The following MACO1 variants were observed in gnomAD, a reference collection of about 807,000 sequenced individuals.
MACO1 encodes the protein macoilin 1.
In MACO1, 14 loss-of-function variants were observed where a neutral mutation model predicts 78.7. That is an observed-to-expected ratio of 0.18 (90% CI 0.12 to 0.28). The LOEUF (loss-of-function observed/expected upper bound fraction) is 0.28, where lower values mean the gene tolerates loss of function less well. Ranked by LOEUF, MACO1 falls within the 10% of genes least tolerant of loss-of-function variation. The pLI is 1.00. For synonymous variants in MACO1, 288 were observed against 291.6 expected, an observed-to-expected ratio of 0.99 and a Z score of 0.12; for missense variants, 501 against 799.0, an observed-to-expected ratio of 0.63 and a Z score of 4.50.
At chr1:25,435,836 T>C (rs2042914860) in intron 1 of MACO1, among the ~76,000 whole-genome samples, 1 of 152,234 alleles carries the variant, frequency 6.6e-6, no homozygotes, top group Non-Finnish European at 1.5e-5. Context: ...GCTAAACTCT[T>C]CTATTTGTGG....
intron 10 of MACO1, among the ~76,000 whole-genome samples, chr1:25,494,671 G>A (rs868263504): frequency 2.6e-5 from 4 of 152,180 alleles, no homozygotes; most frequent in African/African-American, 9.7e-5. Flanking sequence ...GATAAGTATG[G>A]GGAGGGCGGA....
At chr1:25,444,874 C>T (rs1482608814) in intron 1 of MACO1, among the ~76,000 whole-genome samples, 2 of 151,996 alleles carry the variant, frequency 1.3e-5, no homozygotes, top group African/African-American at 2.4e-5. Context: ...GCCTGGCCCT[C>T]GTTTGTTCTT....
intron 1 of MACO1, among the ~76,000 whole-genome samples, chr1:25,443,700 A>G (rs1485888393): frequency 1.3e-5 from 2 of 152,240 alleles, no homozygotes; most frequent in Non-Finnish European, 2.9e-5. Flanking sequence ...GGATAATCCT[A>G]TCTAAATAGT....
At chr1:25,461,216 TGGGGGGA>T (rs1207474087) in intron 6 of MACO1, among the ~76,000 whole-genome samples, 1 of 37,408 alleles carries the variant, frequency 2.7e-5, no homozygotes, top group Non-Finnish European at 4.8e-5. Flanking sequence ...TGTTGTGGGG[TGGGGGGA>T]GGGGGGAGGG....
rs1191491625 is a variant in MACO1, at chr1:25,485,392, G to A, written c.1314-221G>A. On this transcript the variant is annotated intron_variant, in intron 7 of 10. Transcript: ENST00000374343. The surrounding 1 kb of genome is among the most constrained non-coding windows in gnomAD (Gnocchi z 4.3). ...ACTTACTTGAACAGAGCAGAGGCTA[G>A]GTCTTAATCTCTGTTTTGTAAGGCA... 6.6e-6 allele frequency among the ~76,000 whole-genome samples: 1 copy of A among 152,108 alleles called. No individual in the cohort carries two copies. Among genetic ancestry groups the A allele is most frequent in the East Asian group, 1.9e-4 (1 of 5,194 alleles).
chr1:25,463,906 C>CTGT (rs1212371920), intron 6 of MACO1, among the ~76,000 whole-genome samples: 1 of 152,142 alleles, frequency 6.6e-6, no homozygotes, highest in African/African-American at 2.4e-5. Context: ...ACAGATTTCT[C>CTGT]ATATACCTGC....
chr1:25,469,633 C>CT (rs1222159978), intron 6 of MACO1, among the ~76,000 whole-genome samples: 8,320 of 127,416 alleles, frequency 0.065, 1,180 homozygotes, highest in African/African-American at 0.22. Context: ...TAACCTCTGA[C>CT]TTTTTTTTTT....
chr1:25,498,178 C>A, intron 10 of MACO1, 86 bp from the exon 11 acceptor site: 2 of 1,399,238 alleles, frequency 1.4e-6, no homozygotes, highest in South Asian at 1.3e-5. Flanking sequence ...TCACACTGAA[C>A]CGAATCTACT....
intron 8 of MACO1, among the ~76,000 whole-genome samples, chr1:25,487,846 G>C (rs1285093011): frequency 6.6e-6 from 1 of 152,092 alleles, no homozygotes; most frequent in East Asian, 1.9e-4. Context: ...TTGCTGGATT[G>C]GGAAGCCAGA....
chr1:25,453,386 G>C (rs187559126), intron 3 of MACO1, among the ~76,000 whole-genome samples: 1 of 150,524 alleles, frequency 6.6e-6, no homozygotes, highest in Non-Finnish European at 1.5e-5. Context: ...TTTCTGGGCC[G>C]GGCACGGTGG....
chr1:25,479,802 G>A (rs1249053482), intron 6 of MACO1, among the ~76,000 whole-genome samples: 3 of 152,060 alleles, frequency 2.0e-5, no homozygotes, highest in African/African-American at 7.3e-5. Flanking sequence ...TGTATAGTAC[G>A]TCCATACAAT....
chr1:25,436,348 T>C (rs1477282001), intron 1 of MACO1, among the ~76,000 whole-genome samples: 1 of 152,178 alleles, frequency 6.6e-6, no homozygotes, highest in African/African-American at 2.4e-5. Context: ...TAGGCTACCA[T>C]CTTGTGGAGT....
At chr1:25,486,705 A>T (rs961659006) in intron 8 of MACO1, among the ~76,000 whole-genome samples, 2 of 152,194 alleles carry the variant, frequency 1.3e-5, no homozygotes, top group Non-Finnish European at 2.9e-5. Flanking sequence ...TTTGCAGAAT[A>T]ATTGGTGAAT....
chr1:25,441,507 A>T (rs1053624209), intron 1 of MACO1, among the ~76,000 whole-genome samples: 3 of 152,248 alleles, frequency 2.0e-5, no homozygotes, highest in African/African-American at 7.2e-5. Flanking sequence ...TTTTGAGAAA[A>T]AAAATAGTTA....
At chr1:25,496,158 CT>C (rs1216344822) in intron 10 of MACO1, among the ~76,000 whole-genome samples, 50 of 127,434 alleles carry the variant, frequency 3.9e-4, no homozygotes, top group Admixed American at 3.1e-4. Flanking sequence ...TTTTCTTTTT[CT>C]TTTTTTTTTT....
At position 25,456,749 on chromosome 1, in the gene MACO1, C is replaced by T. The variant is rs774408245; in HGVS notation, c.570C>T (p.Asn190=). Reference sequence around the variant, plus strand: ...AGCAAAAAGAAGTACAAAAAGAGAACGAGTTTTACATGCAACTTCTTCAAC... The same window carrying T: ...AGCAAAAAGAAGTACAAAAAGAGAATGAGTTTTACATGCAACTTCTTCAAC... ...LRKQKEVQKE[N]EFYMQLLQQA... Residue 190 remains asparagine (N), a synonymous_variant, in exon 5 of 11, where the codon AAC becomes AAT. Coordinates refer to ENST00000374343, the MANE Select transcript of MACO1 (RefSeq NM_018202.6). 2.2e-5 allele frequency: 35 copies of T among 1,613,820 alleles called. No homozygotes were observed. Among genetic ancestry groups the T allele is most frequent in the East Asian group, 8.9e-5 (4 of 44,866 alleles).
chr1:25,465,377 G>A (rs1034298038), intron 6 of MACO1, among the ~76,000 whole-genome samples: 6 of 152,162 alleles, frequency 3.9e-5, no homozygotes, highest in Non-Finnish European at 7.4e-5. Context: ...CTGCCACAAT[G>A]TCTTTGACAG....
At chr1:25,442,081 A>T (rs1221376674) in intron 1 of MACO1, among the ~76,000 whole-genome samples, 1 of 152,224 alleles carries the variant, frequency 6.6e-6, no homozygotes, top group African/African-American at 2.4e-5. Flanking sequence ...GCAGGCTTAG[A>T]TTAAATAGGT....
intron 2 of MACO1, among the ~76,000 whole-genome samples, chr1:25,448,330 G>A (rs2043033668): frequency 6.6e-6 from 1 of 152,034 alleles, no homozygotes; most frequent in African/African-American, 2.4e-5. Flanking sequence ...TGGGTGTAGT[G>A]GCAAGTGCCT....
Sources: gnomAD v4.1 joint callset for allele counts (sites outside exome capture counted in the v4.1 genomes callset) on GRCh38, gnomAD v4.1.1 for gene constraint, Gnocchi (gnomAD v3.1) non-coding constraint, MANE v1.5 for transcripts, NCBI Gene and HGNC (gene_info 2026-07-23, HGNC 2026-07-21) for gene names.